SGCZ: variants seen among roughly 807,000 people sequenced by gnomAD.
SGCZ encodes the protein sarcoglycan zeta.
A neutral mutation model predicts 41.3 loss-of-function variants in SGCZ; 40 were observed. The observed-to-expected ratio is 0.97, with a 90% CI of 0.75 to 1.26. The LOEUF is 1.26. Ranked by LOEUF, SGCZ falls within the 50% of genes most tolerant of loss-of-function variation. The probability of loss-of-function intolerance (pLI) is 0.00; values close to 1 mark genes in which losing one functional copy is unlikely to be tolerated. For missense variants in SGCZ, 552 were observed against 369.8 expected (o/e 1.49, Z -4.04); for synonymous variants, 206 against 137.5 (o/e 1.50, Z -3.49).
At chr8:15,063,226 C>T (rs568257789) in intron 1 of SGCZ, among the ~76,000 whole-genome samples, 76 of 152,168 alleles carry the variant, frequency 5.0e-4, no homozygotes, top group Non-Finnish European at 9.3e-4. Context: ...GAGAAATTGA[C>T]TATAGTATAT....
intron 1 of SGCZ, among the ~76,000 whole-genome samples, chr8:14,787,264 G>A (rs1232779333): frequency 1.3e-5 from 2 of 152,070 alleles, no homozygotes; most frequent in African/African-American, 2.4e-5. Flanking sequence ...TGAAATTCAG[G>A]TGTATCCTCC....
At chr8:14,177,958 C>CTTTTCTTTTTTTTTCTTTTTTTTTTT (rs767919994) in intron 4 of SGCZ, among the ~76,000 whole-genome samples, 309 of 95,086 alleles carry the variant, frequency 3.2e-3, no homozygotes, top group Non-Finnish European at 5.6e-3. Flanking sequence ...CTTTTTTTTT[C>CTTTTCTTTTTTTTTCTTTTTTTTTTT]TTTTTTTTTT....
intron 1 of SGCZ, among the ~76,000 whole-genome samples, chr8:14,578,882 T>C (rs114242062): frequency 0.027 from 4,107 of 152,252 alleles, 197 homozygotes; most frequent in African/African-American, 0.093. Context: ...ATTTAATTAA[T>C]TTTAATTGTT....
chr8:14,860,084 G>C (rs1232585451), intron 1 of SGCZ, among the ~76,000 whole-genome samples: 2 of 148,270 alleles, frequency 1.3e-5, no homozygotes, highest in Non-Finnish European at 3.0e-5. Context: ...TAAAGAAACA[G>C]AAACTAGAAA....
chr8:14,988,752 T>G (rs1013274075), intron 1 of SGCZ, among the ~76,000 whole-genome samples: 2 of 152,114 alleles, frequency 1.3e-5, no homozygotes, highest in African/African-American at 4.8e-5. Context: ...CATTCTGGGA[T>G]AACGAAGGAA....
At chr8:14,614,137 C>T (rs1430214605) in intron 1 of SGCZ, among the ~76,000 whole-genome samples, 1 of 152,114 alleles carries the variant, frequency 6.6e-6, no homozygotes, top group Admixed American at 6.5e-5. Flanking sequence ...TCATCCAGAA[C>T]AATTTCCCTA....
In SGCZ at chr8:14,941,832, A is replaced by G. The variant is rs950953088; in HGVS notation, c.39+295753T>C. Among the ~76,000 whole-genome samples, 6 of 151,502 alleles carry G rather than the reference A, an allele frequency of 4.0e-5. No homozygotes were observed. The Admixed American group carries it at 4.0e-4, about 10-fold the overall frequency. ...ATGTAATATATGTTACATATATTGC[A>G]TGTTATATATGTGTAAATATATGTA... On this transcript the variant is annotated intron_variant, in intron 1 of 7. Coordinates refer to ENST00000382080, the MANE Select transcript of SGCZ (RefSeq NM_139167.4).
chr8:14,671,662 A>G (rs6992725), intron 1 of SGCZ, among the ~76,000 whole-genome samples: 82,723 of 151,926 alleles, frequency 0.54, 24,057 homozygotes, highest in East Asian at 0.74. Context: ...TGAGACATTT[A>G]TATTCTTAAC....
chr8:14,090,478 A>G lies in SGCZ; in HGVS notation c.904T>C (p.Cys302Arg). 6.2e-7 allele frequency: 1 copy of G among 1,612,970 alleles called. No homozygotes were observed. The highest frequency in any genetic ancestry group is 8.5e-7 in the Non-Finnish European group (1 of 1,179,330). The change falls in exon 8 of 8, where the codon TGT becomes CGT. Residue 302 changes from cysteine to arginine, a missense_variant. Physicochemically the swap from Cys to Arg is radical, Grantham distance 180 (BLOSUM62 -3). Transcript: ENST00000382080. ...YLSPAGVGSTCQSSSNICLWS is the reference protein window; with the variant it reads ...YLSPAGVGSTRQSSSNICLWS ...AGGCAGATGTTGCTACTGGACTGACAAGTGGAACCTACTCCTGCTGGAGAA... is the reference window on the plus strand; with the variant it reads ...AGGCAGATGTTGCTACTGGACTGACGAGTGGAACCTACTCCTGCTGGAGAA...
At chr8:14,354,079 G>A (rs182271866) in intron 2 of SGCZ, among the ~76,000 whole-genome samples, 48 of 152,014 alleles carry the variant, frequency 3.2e-4, no homozygotes, top group Admixed American at 7.9e-4. Context: ...ATTCCACTAA[G>A]TATCTTTGTT....
intron 2 of SGCZ, among the ~76,000 whole-genome samples, chr8:14,334,851 C>CT (rs1406518385): frequency 1.3e-5 from 2 of 152,036 alleles, no homozygotes; most frequent in Admixed American, 6.6e-5. Context: ...TTCATATATA[C>CT]TTTTTTGTAA....
At chr8:14,870,484 T>A (rs1585334899) in intron 1 of SGCZ, among the ~76,000 whole-genome samples, 1 of 152,040 alleles carries the variant, frequency 6.6e-6, no homozygotes, top group Non-Finnish European at 1.5e-5. Flanking sequence ...ATAAAAACCC[T>A]AGAAGAAAAC....
intron 4 of SGCZ, among the ~76,000 whole-genome samples, chr8:14,229,331 T>C (rs976044750): frequency 6.6e-6 from 1 of 152,120 alleles, no homozygotes; most frequent in African/African-American, 2.4e-5. Flanking sequence ...GTGTCTTTCC[T>C]TCAGACATAA....
At chr8:14,609,951 AC>A (rs2117336576) in intron 1 of SGCZ, among the ~76,000 whole-genome samples, 1 of 152,336 alleles carries the variant, frequency 6.6e-6, no homozygotes, top group African/African-American at 2.4e-5. Context: ...CTCAAATTAA[AC>A]AAAAATAAAT....
intron 2 of SGCZ, among the ~76,000 whole-genome samples, chr8:14,528,832 A>AAAAT (rs1554532883): frequency 4.8e-4 from 47 of 97,558 alleles, no homozygotes; most frequent in African/African-American, 1.6e-3. Context: ...CCAGCCAAAA[A>AAAAT]AAAAACAAAA....
intron 1 of SGCZ, among the ~76,000 whole-genome samples, chr8:15,185,957 G>A (rs1393411151): frequency 1.3e-5 from 2 of 150,958 alleles, no homozygotes; most frequent in South Asian, 2.1e-4. Flanking sequence ...GGGCGCGGTG[G>A]CTCACGTCTG....
At chr8:14,108,887 C>G (rs1585141850) in intron 5 of SGCZ, among the ~76,000 whole-genome samples, 2 of 152,188 alleles carry the variant, frequency 1.3e-5, no homozygotes, top group African/African-American at 2.4e-5. Context: ...TGTCCCCTGC[C>G]TTATTTTCCA....
At chr8:15,039,842 G>A (rs1382560622) in intron 1 of SGCZ, among the ~76,000 whole-genome samples, 3 of 152,082 alleles carry the variant, frequency 2.0e-5, no homozygotes, top group South Asian at 2.1e-4. Context: ...TGTATTGCAC[G>A]TTATACAGTA....
At chr8:14,722,638 TGAGA>T (rs112530956) in intron 1 of SGCZ, among the ~76,000 whole-genome samples, 10,494 of 151,268 alleles carry the variant, frequency 0.069, 794 homozygotes, top group African/African-American at 0.19. Flanking sequence ...CAAGACAAAG[TGAGA>T]GAGAGTTGAA....
Sources: allele counts gnomAD v4.1 joint callset (sites outside exome capture counted in the v4.1 genomes callset), GRCh38; gene constraint gnomAD v4.1.1; transcripts MANE v1.5; gene names NCBI Gene and HGNC (gene_info 2026-07-23, HGNC 2026-07-21).